The following MROH9 variants were observed in gnomAD, a reference collection of about 807,000 sequenced individuals.
The protein encoded by MROH9 is maestro heat-like repeat-containing protein family member 9.
Under a neutral mutation model 98.2 loss-of-function variants are expected in MROH9, and 92 were observed. The ratio of observed to expected loss-of-function variants is 0.94; its 90% confidence interval spans 0.79 to 1.11. The LOEUF (loss-of-function observed/expected upper bound fraction) is 1.11. Ranked by LOEUF, MROH9 falls within the 50% of genes most tolerant of loss-of-function variation. The pLI, the probability that MROH9 is intolerant of heterozygous loss-of-function variation, is 0.00. For missense variants in MROH9, 1,057 were observed against 1,014.8 expected, an observed-to-expected ratio of 1.04 and a Z score of -0.57; for synonymous variants, 397 against 368.9, an observed-to-expected ratio of 1.08 and a Z score of -0.87.
chr1:171,025,939 C>A (rs114066317), intron 20 of MROH9, among the ~76,000 whole-genome samples: 1,801 of 152,274 alleles, frequency 0.012, 41 homozygotes, highest in African/African-American at 0.041. Flanking sequence ...CTAGCTCTCA[C>A]TGTGAAAATA....
chr1:171,010,898 G>A (rs936931895), intron 15 of MROH9, among the ~76,000 whole-genome samples: 1 of 152,112 alleles, frequency 6.6e-6, no homozygotes, highest in African/African-American at 2.4e-5. Flanking sequence ...TAGGTTGCCT[G>A]TTCACTCTGA....
At chr1:171,014,453 C>T (rs1042228877) in intron 16 of MROH9, among the ~76,000 whole-genome samples, 199 bp downstream of exon 16, 6 of 149,352 alleles carry the variant, frequency 4.0e-5, no homozygotes, top group East Asian at 3.9e-4. Flanking sequence ...GTGGCTTTAT[C>T]GCCTTACTTT....
chr1:171,015,991 T>C (rs1388539772), intron 16 of MROH9, among the ~76,000 whole-genome samples, 172 bp from the exon 17 acceptor site: 1 of 152,200 alleles, frequency 6.6e-6, no homozygotes, highest in East Asian at 1.9e-4. Flanking sequence ...TAATTTTCAA[T>C]AATTAATTTT....
intron 3 of MROH9, among the ~76,000 whole-genome samples, chr1:170,954,764 T>C (rs1649696288): frequency 6.6e-6 from 1 of 152,076 alleles, no homozygotes; most frequent in South Asian, 2.1e-4. Flanking sequence ...TGACAATTAA[T>C]ATTATTATAT....
chr1:170,994,175 C>T (rs916643989), intron 12 of MROH9, among the ~76,000 whole-genome samples: 1 of 152,076 alleles, frequency 6.6e-6, no homozygotes, highest in African/African-American at 2.4e-5. Flanking sequence ...ATTGAGATCT[C>T]GGCTCTTTGG....
At chr1:171,017,829 C>T (rs1652380371) in intron 17 of MROH9, among the ~76,000 whole-genome samples, 1 of 152,084 alleles carries the variant, frequency 6.6e-6, no homozygotes, top group Non-Finnish European at 1.5e-5. Context: ...CATCCCTCCT[C>T]GCTGGGGTCT....
chr1:171,009,957 T>A (rs569823091), intron 15 of MROH9, among the ~76,000 whole-genome samples: 48 of 152,358 alleles, frequency 3.2e-4, no homozygotes, highest in Non-Finnish European at 6.5e-4. Context: ...TTTCCTTTTT[T>A]AATTATTATA....
intron 3 of MROH9, among the ~76,000 whole-genome samples, chr1:170,953,607 A>G (rs1649639996): frequency 6.6e-6 from 1 of 152,028 alleles, no homozygotes; most frequent in African/African-American, 2.4e-5. Context: ...CACAGTTTCT[A>G]ACTTTCAGAG....
intron 8 of MROH9, among the ~76,000 whole-genome samples, chr1:170,972,104 AG>A (rs1650482277): frequency 6.6e-6 from 1 of 152,192 alleles, no homozygotes. Flanking sequence ...TACTGTGCTT[AG>A]ATTACTTGAG....
At chr1:170,998,413 G>A (rs758465773) in intron 15 of MROH9, 139 bp downstream of exon 15, 7 of 1,602,718 alleles carry the variant, frequency 4.4e-6, no homozygotes, top group Non-Finnish European at 5.1e-6. Context: ...GATATCTGAA[G>A]TCGGATGGGG....
chr1:171,015,211 C>T (rs1571503861), intron 16 of MROH9: 1 of 366,380 alleles, frequency 2.7e-6, no homozygotes, highest in East Asian at 7.4e-5. Context: ...TGACATAAGC[C>T]ATGGTCTGTT....
intron 15 of MROH9, among the ~76,000 whole-genome samples, chr1:171,011,956 A>G (rs981908077): frequency 6.6e-6 from 1 of 151,880 alleles, no homozygotes; most frequent in African/African-American, 2.4e-5. Flanking sequence ...GCACTGTTTT[A>G]TATTTTGTGA....
intron 15 of MROH9, among the ~76,000 whole-genome samples, chr1:171,008,499 G>A (rs1652037823): frequency 6.6e-6 from 1 of 152,138 alleles, no homozygotes; most frequent in South Asian, 2.1e-4. Context: ...CTGTACAATG[G>A]AATTACTTAT....
At chr1:171,042,238 A>C (rs1653332618) in intron 20 of MROH9, among the ~76,000 whole-genome samples, 1 of 152,018 alleles carries the variant, frequency 6.6e-6, no homozygotes, top group Non-Finnish European at 1.5e-5. Flanking sequence ...GAACATGCAA[A>C]GATTGTCTTT....
chr1:171,040,877 C>G (rs1653273084), intron 20 of MROH9, among the ~76,000 whole-genome samples: 1 of 151,936 alleles, frequency 6.6e-6, no homozygotes, highest in Admixed American at 6.6e-5. Context: ...AATATTTTGG[C>G]TGACTGAAGA....
At chr1:170,958,618 G>T in intron 4 of MROH9, 78 bp downstream of exon 4, 1 of 1,009,398 alleles carries the variant, frequency 9.9e-7, no homozygotes, top group Non-Finnish European at 1.5e-6. Context: ...ACATGCAATT[G>T]TGAAAGATAA....
intron 3 of MROH9, among the ~76,000 whole-genome samples, chr1:170,948,233 C>T (rs1217369089): frequency 6.6e-6 from 1 of 151,926 alleles, no homozygotes; most frequent in African/African-American, 2.4e-5. Context: ...ACAGAAGAAA[C>T]AGGGGAGGGC....
intron 20 of MROH9, among the ~76,000 whole-genome samples, chr1:171,061,844 T>C (rs1654025372): frequency 6.6e-6 from 1 of 152,166 alleles, no homozygotes; most frequent in African/African-American, 2.4e-5. Context: ...TGAAGGAAGC[T>C]TCTAGGATGC....
At chr1:171,025,543 G>C (rs1652680200) in intron 20 of MROH9, 123 bp downstream of exon 20, 1 of 635,686 alleles carries the variant, frequency 1.6e-6, no homozygotes, top group Non-Finnish European at 2.8e-6. Context: ...ACCTGTGATG[G>C]TGATGAATAC....
Sources: gnomAD v4.1 joint callset for allele counts (sites outside exome capture counted in the v4.1 genomes callset) on GRCh38, gnomAD v4.1.1 for gene constraint, MANE v1.5 for transcripts, NCBI Gene and HGNC (gene_info 2026-07-23, HGNC 2026-07-21) for gene names.